UBE2Z: variants seen among roughly 807,000 people sequenced by gnomAD.
The protein encoded by UBE2Z is ubiquitin-conjugating enzyme E2 Z.
A neutral mutation model predicts 32.6 loss-of-function variants in UBE2Z; 10 were observed. That is an observed-to-expected ratio of 0.31 (90% CI 0.19 to 0.52). The LOEUF (loss-of-function observed/expected upper bound fraction) is 0.52, where lower values mean the gene tolerates loss of function less well. Ranked by LOEUF, UBE2Z falls within the 20% of genes least tolerant of loss-of-function variation. The pLI, the probability that UBE2Z is intolerant of heterozygous loss-of-function variation, is 0.97. For synonymous variants in UBE2Z, 183 were observed against 190.8 expected (o/e 0.96, Z 0.34); for missense variants, 343 against 480.9 (o/e 0.71, Z 2.68).
At chr17:48,915,510 C>T (rs2040712361) in intron 3 of UBE2Z, among the ~76,000 whole-genome samples, 2 of 152,254 alleles carry the variant, frequency 1.3e-5, no homozygotes, top group South Asian at 4.1e-4. Flanking sequence ...TCAGACCTTC[C>T]ACTGTCTGGA....
chr17:48,922,819 CACTT>C (rs527852266), intron 5 of UBE2Z, 24 bp from the exon 6 acceptor site: 1,322 of 1,593,800 alleles, frequency 8.3e-4, no homozygotes, highest in South Asian at 1.2e-3. Context: ...CTGGGTTTCT[CACTT>C]ACACTTTTCT....
intron 3 of UBE2Z, 119 bp from the exon 4 acceptor site, chr17:48,915,947 AATTCCAGAGT>A: frequency 2.1e-6 from 1 of 479,372 alleles, no homozygotes; most frequent in South Asian, 2.3e-5. Flanking sequence ...GAGGCTGGGA[AATTCCAGAGT>A]ATTAATAGTG....
chr17:48,922,421 T>C (rs1240443925), intron 5 of UBE2Z, among the ~76,000 whole-genome samples: 1 of 152,008 alleles, frequency 6.6e-6, no homozygotes, highest in African/African-American at 2.4e-5. Context: ...GAAAAGATCT[T>C]TGTAGAAAAC....
chr17:48,925,978 C>A (rs1015706980), intron 6 of UBE2Z, among the ~76,000 whole-genome samples: 1 of 152,142 alleles, frequency 6.6e-6, no homozygotes, highest in Admixed American at 6.6e-5. Context: ...GCCTAAGTCC[C>A]TATATAGTAT....
At position 48,912,837 on chromosome 17, in the gene UBE2Z, C is replaced by T. The variant is rs1211242296; in HGVS notation, c.394C>T (p.His132Tyr). 1 of 1,613,776 alleles carries T rather than the reference C, an allele frequency of 6.2e-7. No individual in the cohort carries two copies. Among genetic ancestry groups the T allele is most frequent in the Non-Finnish European group, 8.5e-7 (1 of 1,179,842 alleles). Residue 132 changes from histidine (H) to tyrosine (Y), a missense_variant, in exon 3 of 7, where the codon CAT (histidine) becomes TAT (tyrosine). Coordinates refer to ENST00000360943, the MANE Select transcript of UBE2Z (RefSeq NM_023079.5). ...VPDTVDMTKI[H>Y]ALITGPFDTP... is the part of the protein sequence containing the mutation. Reference sequence around the variant, plus strand: ...GAGATGGGGTTTTATTTTGCAGATTCATGCATTGATCACAGGCCCATTTGA... The same window carrying T: ...GAGATGGGGTTTTATTTTGCAGATTTATGCATTGATCACAGGCCCATTTGA...
At chr17:48,912,567 G>T in intron 2 of UBE2Z, 1 of 416,116 alleles carries the variant, frequency 2.4e-6, no homozygotes, top group Non-Finnish European at 4.4e-6. Context: ...GAGTGATTTT[G>T]ACTAGATTCA....
At chr17:48,915,094 T>C (rs561108067) in intron 3 of UBE2Z, among the ~76,000 whole-genome samples, 2 of 152,234 alleles carry the variant, frequency 1.3e-5, no homozygotes, top group South Asian at 2.1e-4. Context: ...GTTTTTTTTT[T>C]CCTCTTTACC....
At chr17:48,918,149 G>T (rs2040733570) in intron 4 of UBE2Z, among the ~76,000 whole-genome samples, 1 of 151,378 alleles carries the variant, frequency 6.6e-6, no homozygotes, top group African/African-American at 2.4e-5. Flanking sequence ...TCTTGGCCAG[G>T]CTGGTTTCGA....
At chr17:48,912,618 T>A in intron 2 of UBE2Z, 1 of 536,772 alleles carries the variant, frequency 1.9e-6, no homozygotes, top group South Asian at 2.7e-5. Context: ...AACCCCTGAG[T>A]AAGATGTCAT....
At chr17:48,920,653 G>A (rs990731560) in intron 4 of UBE2Z, among the ~76,000 whole-genome samples, 1 of 151,928 alleles carries the variant, frequency 6.6e-6, no homozygotes, top group Non-Finnish European at 1.5e-5. Context: ...AGCTGTGATG[G>A]TGCCGCTGCA....
At position 48,922,880 on chromosome 17, in the gene UBE2Z, C is replaced by T. The variant is rs147448373; in HGVS notation, c.837C>T (p.Tyr279=). ...GVMEKSFLEY[Y]DFYEVACKDR... ...TGGAGAAGTCCTTTCTGGAGTATTA[C>T]GACTTCTACGAGGTGGCCTGCAAAG... is the stretch of plus-strand genomic sequence containing the variant. The change falls in exon 6 of 7, where the codon TAC becomes TAT. Residue 279 remains tyrosine (Y), a synonymous_variant. Transcript: ENST00000360943. 233 of 1,612,828 alleles carry T rather than the reference C, an allele frequency of 1.4e-4. No individual in the cohort carries two copies. In the African/African-American group the frequency reaches 2.8e-3, roughly 19 times the overall value.
intron 6 of UBE2Z, 44 bp from the exon 7 acceptor site, chr17:48,926,920 A>G (rs749177861): frequency 4.4e-6 from 7 of 1,584,154 alleles, no homozygotes; most frequent in Non-Finnish European, 6.0e-6. Context: ...AGGATCAGCC[A>G]CCCAGACTTG....
chr17:48,918,112 A>G (rs145517587), intron 4 of UBE2Z, among the ~76,000 whole-genome samples: 1 of 150,224 alleles, frequency 6.7e-6, no homozygotes, highest in African/African-American at 2.4e-5. Context: ...AATTTTTTGT[A>G]TTTTTAGTAG....
rs774063783 is a variant in UBE2Z, at chr17:48,922,881, G to A, written c.838G>A (p.Asp280Asn). 1.9e-6 allele frequency: 3 copies of A among 1,612,722 alleles called. No individual in the cohort carries two copies. Among genetic ancestry groups the A allele is most frequent in the African/African-American group, 1.3e-5 (1 of 74,820 alleles). ...GGAGAAGTCCTTTCTGGAGTATTACGACTTCTACGAGGTGGCCTGCAAAGA... is the reference window on the plus strand; with the variant it reads ...GGAGAAGTCCTTTCTGGAGTATTACAACTTCTACGAGGTGGCCTGCAAAGA... ...VMEKSFLEYY[D>N]FYEVACKDRL... Residue 280 changes from aspartate to asparagine, a missense_variant, in exon 6 of 7, where the codon GAC becomes AAC. Asp to Asn is a conservative substitution (Grantham distance 23, BLOSUM62 1). Transcript: ENST00000360943.
At chr17:48,924,120 G>A (rs1281443196) in intron 6 of UBE2Z, among the ~76,000 whole-genome samples, 6 of 152,178 alleles carry the variant, frequency 3.9e-5, no homozygotes, top group Non-Finnish European at 8.8e-5. Flanking sequence ...GCCTCCCAAA[G>A]TGCTGGGATT....
chr17:48,914,753 G>A (rs1382040772), intron 3 of UBE2Z, among the ~76,000 whole-genome samples: 2 of 152,154 alleles, frequency 1.3e-5, no homozygotes, highest in East Asian at 1.9e-4. Flanking sequence ...AGCCGGGTGC[G>A]GTGGCTCACA....
rs2040805205 is a variant in UBE2Z, at chr17:48,927,352, A to G, written c.*218A>G. 3.6e-6 allele frequency: 2 copies of G among 550,210 alleles called. No individual in the cohort carries two copies. The highest frequency in any genetic ancestry group is 6.5e-6 in the Non-Finnish European group (2 of 308,924). 34.1% of individuals were successfully genotyped at this position (550,210 alleles called of 1,614,324 possible). ...GGAGCATCTGGGGCTTCGTTCATCC[A>G]TTCATCCCGTATCAGGGGCCAAGGT... On this transcript the variant is annotated 3_prime_UTR_variant, in exon 7 of 7. Coordinates refer to ENST00000360943, the MANE Select transcript of UBE2Z (RefSeq NM_023079.5).
intron 4 of UBE2Z, among the ~76,000 whole-genome samples, chr17:48,918,521 GTGGCGT>G (rs2040736307): frequency 6.6e-6 from 1 of 150,540 alleles, no homozygotes; most frequent in Non-Finnish European, 1.5e-5. Flanking sequence ...TTTAGTAGAG[GTGGCGT>G]TTCACCATGT....
chr17:48,916,050 C>A, intron 3 of UBE2Z, 26 bp from the exon 4 acceptor site: 1 of 1,527,442 alleles, frequency 6.5e-7, no homozygotes. Flanking sequence ...CTGCCTCACC[C>A]TCCATTCCTT....
Sources: allele counts gnomAD v4.1 joint callset (sites outside exome capture counted in the v4.1 genomes callset), GRCh38; gene constraint gnomAD v4.1.1; transcripts MANE v1.5; gene names NCBI Gene and HGNC (gene_info 2026-07-23, HGNC 2026-07-21).